Variants in COL28A1 observed in about 807,000 individuals in gnomAD.
COL28A1 encodes collagen alpha-1(XXVIII) chain.
A neutral mutation model predicts 150.2 loss-of-function variants in COL28A1; 161 were observed. The observed-to-expected ratio is 1.07, with a 90% CI of 0.94 to 1.22. The LOEUF is 1.22. COL28A1 is among the 50% of genes most tolerant of loss of function. The probability of loss-of-function intolerance (pLI) is 0.00; values close to 1 mark genes in which losing one functional copy is unlikely to be tolerated. For synonymous variants in COL28A1, 552 were observed against 469.7 expected (o/e 1.18, Z -2.26); for missense variants, 1,617 against 1,388.3 (o/e 1.16, Z -2.62).
intron 2 of COL28A1, 96 bp downstream of exon 2, chr7:7,532,656 T>C (rs899750395): frequency 1.0e-5 from 15 of 1,459,836 alleles, no homozygotes; most frequent in South Asian, 4.1e-5. Flanking sequence ...TATACATGTA[T>C]ATGGCTTGCT....
chr7:7,471,762 G>T (rs969056774), intron 15 of COL28A1, among the ~76,000 whole-genome samples: 1 of 152,142 alleles, frequency 6.6e-6, no homozygotes, highest in African/African-American at 2.4e-5. Flanking sequence ...GGATGTGGTG[G>T]CGGGCACCTG....
At position 7,373,123 on chromosome 7, in the gene COL28A1, TC is replaced by T; in HGVS notation, c.2782del (p.Glu928ArgfsTer4). 6.2e-7 allele frequency: 1 copy of T among 1,614,176 alleles called. No homozygotes were observed. Among genetic ancestry groups the T allele is most frequent in the South Asian group, 1.1e-5 (1 of 91,078 alleles). ...VVKNASDTNV[E>X]IFVIGVVKKN... ...CTTCACCACCCCTATCACAAATATC[TC>T]CACATTGGTGTCACTGGCATTCTTC... On this transcript the variant is annotated frameshift_variant, in exon 32 of 35. Transcript: ENST00000399429. LOFTEE classifies it high-confidence loss of function. This position sits in a 1 kb window ranked among gnomAD's most constrained non-coding sequence, Gnocchi z 4.1.
At chr7:7,416,842 A>C (rs958918619) in intron 27 of COL28A1, among the ~76,000 whole-genome samples, 3 of 152,158 alleles carry the variant, frequency 2.0e-5, no homozygotes, top group Non-Finnish European at 4.4e-5. Context: ...TCAACACAGG[A>C]TTTTCACATT....
At chr7:7,381,413 T>C (rs1428528929) in intron 28 of COL28A1, 131 bp downstream of exon 28, 1 of 680,966 alleles carries the variant, frequency 1.5e-6, no homozygotes, top group African/African-American at 1.8e-5. Flanking sequence ...GGATTTTATT[T>C]TGAGTGGATT....
chr7:7,452,329 T>A lies in COL28A1; in HGVS notation c.1499A>T (p.Gln500Leu). The change falls in exon 18 of 35, where the codon CAA becomes CTA. Residue 500 changes from glutamine (Q) to leucine (L), a missense_variant. By Grantham distance (113) the Gln-to-Leu change is moderately radical (BLOSUM62 -2). Coordinates refer to ENST00000399429, the MANE Select transcript of COL28A1 (RefSeq NM_001037763.3). ...CAGCAGTCAACTCACCTTTGGACCTTGTACTCCAATTCCCACTGGTCCTCG... is the reference window on the plus strand; with the variant it reads ...CAGCAGTCAACTCACCTTTGGACCTAGTACTCCAATTCCCACTGGTCCTCG... ...GPRGPVGIGV[Q>L]GPKGEPGSIG... is the part of the protein sequence containing the mutation. 1 of 1,605,312 alleles carries A rather than the reference T, an allele frequency of 6.2e-7. No individual in the cohort carries two copies. Among genetic ancestry groups the A allele is most frequent in the Admixed American group, 1.8e-5 (1 of 56,764 alleles).
At chr7:7,477,508 A>C (rs1161739025) in intron 13 of COL28A1, among the ~76,000 whole-genome samples, 1 of 152,220 alleles carries the variant, frequency 6.6e-6, no homozygotes, top group Non-Finnish European at 1.5e-5. Context: ...TCTTGGTCTC[A>C]CTGACTTCAA....
At chr7:7,435,698 G>C (rs1785289111) in intron 23 of COL28A1, among the ~76,000 whole-genome samples, 1 of 152,166 alleles carries the variant, frequency 6.6e-6, no homozygotes, top group Admixed American at 6.5e-5. Context: ...AAGGTCATCA[G>C]TTTAGTACTT....
chr7:7,423,201 A>G (rs926677895), intron 25 of COL28A1, among the ~76,000 whole-genome samples: 3 of 152,226 alleles, frequency 2.0e-5, no homozygotes, highest in Non-Finnish European at 2.9e-5. Context: ...TTGCTTCAGG[A>G]TAATGTGGTG....
downstream of COL28A1, among the ~76,000 whole-genome samples, chr7:7,352,360 C>T (rs73676836): frequency 2.9e-3 from 438 of 152,272 alleles, 4 homozygotes; most frequent in African/African-American, 9.9e-3. Context: ...GAGATGTCTG[C>T]TCCCCAATCT....
At chr7:7,440,436 TCTCA>T (rs1244101786) in intron 21 of COL28A1, among the ~76,000 whole-genome samples, 1 of 152,228 alleles carries the variant, frequency 6.6e-6, no homozygotes, top group Admixed American at 6.5e-5. Context: ...CTGTGCTGCC[TCTCA>T]CTCTCAGGCT....
chr7:7,426,448 G>C (rs970528296), intron 25 of COL28A1, among the ~76,000 whole-genome samples: 3 of 152,114 alleles, frequency 2.0e-5, no homozygotes, highest in African/African-American at 7.2e-5. Context: ...GCACATATTG[G>C]CAATGTGTAT....
chr7:7,399,079 C>T (rs973693296), intron 27 of COL28A1, among the ~76,000 whole-genome samples: 1 of 152,204 alleles, frequency 6.6e-6, no homozygotes, highest in Non-Finnish European at 1.5e-5. Context: ...TTCATATCTA[C>T]TTTCTACAGT....
chr7:7,351,692 T>G (rs991048860), downstream of COL28A1, among the ~76,000 whole-genome samples: 1 of 152,092 alleles, frequency 6.6e-6, no homozygotes, highest in Non-Finnish European at 1.5e-5. Context: ...AAATGATGAG[T>G]ACATATAGAC....
chr7:7,516,587 G>T (rs1173857830), intron 7 of COL28A1, among the ~76,000 whole-genome samples: 2 of 152,050 alleles, frequency 1.3e-5, no homozygotes, highest in African/African-American at 4.8e-5. Context: ...CTCTTCAAAT[G>T]GGATTTTTTT....
At chr7:7,372,918 T>C in intron 32 of COL28A1, 80 bp downstream of exon 32, 1 of 1,210,166 alleles carries the variant, frequency 8.3e-7, no homozygotes, top group Non-Finnish European at 1.2e-6. Context: ...ATTTTTCTAT[T>C]TGGTCAGGAC....
chr7:7,375,427 T>C (rs1233227409), intron 31 of COL28A1, 34 bp downstream of exon 31: 1 of 1,558,710 alleles, frequency 6.4e-7, no homozygotes, highest in Non-Finnish European at 8.7e-7. Flanking sequence ...GGCTGATGCT[T>C]TAAAGTGATG....
At chr7:7,542,477 T>C in the COL28A1 span, among the ~76,000 whole-genome samples, 1 of 152,200 alleles carries the variant, frequency 6.6e-6, no homozygotes, top group African/African-American at 2.4e-5. Flanking sequence ...CTGTTAACTT[T>C]TCTGTATGTT....
intron 11 of COL28A1, among the ~76,000 whole-genome samples, chr7:7,501,339 T>A (rs1377461161): frequency 6.6e-6 from 1 of 152,224 alleles, no homozygotes; most frequent in Non-Finnish European, 1.5e-5. Flanking sequence ...GTACTTTCCC[T>A]TGGGAAAAAA....
In COL28A1 at chr7:7,477,142, G is replaced by GCC; in HGVS notation, c.1201_1202dup (p.Leu402AlafsTer37). On this transcript the variant is annotated frameshift_variant, in exon 14 of 35. Coordinates refer to ENST00000399429, the MANE Select transcript of COL28A1 (RefSeq NM_001037763.3). LOFTEE classifies it high-confidence loss of function. ...GTCCTGGAAATCCTTCTCCGGGTAA[G>GCC]CCCCTCTCTCCTGGTACTCCCTCAG... 1 of 1,354,060 alleles carries GCC rather than the reference G, an allele frequency of 7.4e-7. No individual in the cohort carries two copies. The highest frequency in any genetic ancestry group is 1.1e-6 in the Non-Finnish European group (1 of 942,220). The allele number at this position is 1,354,060 out of a possible 1,614,324, so 83.9% of individuals were successfully genotyped here.
Sources: gnomAD v4.1 joint callset for allele counts (sites outside exome capture counted in the v4.1 genomes callset) on GRCh38, gnomAD v4.1.1 for gene constraint, Gnocchi (gnomAD v3.1) non-coding constraint, MANE v1.5 for transcripts, NCBI Gene and HGNC (gene_info 2026-07-23, HGNC 2026-07-21) for gene names.